Variants in LYRM9 observed in about 807,000 individuals in gnomAD.
The protein encoded by LYRM9 is LYR motif-containing protein 9.
A neutral mutation model predicts 12.6 loss-of-function variants in LYRM9; 14 were observed. The observed-to-expected ratio is 1.11, with a 90% confidence interval of 0.73 to 1.73. The LOEUF is 1.73. Ranked by LOEUF, LYRM9 falls within the 40% of genes most tolerant of loss-of-function variation. The probability of loss-of-function intolerance (pLI) is 0.00; values close to 1 mark genes in which losing one functional copy is unlikely to be tolerated. For missense variants in LYRM9, 94 were observed against 95.0 expected, an observed-to-expected ratio of 0.99 and a Z score of 0.04; for synonymous variants, 42 against 35.1, an observed-to-expected ratio of 1.20 and a Z score of -0.69.
intron 1 of LYRM9, among the ~76,000 whole-genome samples, chr17:27,890,363 G>C (rs1404771860): frequency 1.3e-5 from 2 of 151,860 alleles, no homozygotes; most frequent in Non-Finnish European, 2.9e-5. Flanking sequence ...CAAGGACATC[G>C]TCTGCAGCTT....
intron 1 of LYRM9, among the ~76,000 whole-genome samples, chr17:27,890,985 C>A (rs1239558374): frequency 6.6e-6 from 1 of 151,810 alleles, no homozygotes; most frequent in African/African-American, 2.4e-5. Context: ...CCCCTCCCTG[C>A]CCCCTTCATC....
intron 1 of LYRM9, among the ~76,000 whole-genome samples, chr17:27,887,931 T>C (rs1171279140): frequency 1.3e-5 from 2 of 152,140 alleles, no homozygotes; most frequent in Non-Finnish European, 2.9e-5. Flanking sequence ...AGAATTCTCT[T>C]ACTCAGGGGA....
intron 1 of LYRM9, among the ~76,000 whole-genome samples, chr17:27,890,391 GA>G (rs200918822): frequency 6.7e-4 from 100 of 148,478 alleles, no homozygotes; most frequent in African/African-American, 1.6e-3. Flanking sequence ...CATATAGATG[GA>G]AAAAAAAAAT....
intron 1 of LYRM9, among the ~76,000 whole-genome samples, chr17:27,891,673 T>C (rs1489081386): frequency 1.3e-5 from 2 of 152,160 alleles, no homozygotes; most frequent in East Asian, 1.9e-4. Flanking sequence ...TAATCACTTA[T>C]TGTGATTATA....
intron 1 of LYRM9, among the ~76,000 whole-genome samples, chr17:27,890,371 C>A (rs1445134502): frequency 6.6e-6 from 1 of 152,024 alleles, no homozygotes; most frequent in Admixed American, 6.6e-5. Flanking sequence ...TCGTCTGCAG[C>A]TTCCCCCTGC....
intron 1 of LYRM9, among the ~76,000 whole-genome samples, chr17:27,883,990 T>A (rs962047429): frequency 5.9e-5 from 9 of 151,654 alleles, no homozygotes; most frequent in Admixed American, 2.0e-4. Context: ...AGAGTTAACA[T>A]ATCTATCATC....
chr17:27,885,788 T>C (rs1242965743), intron 1 of LYRM9, among the ~76,000 whole-genome samples: 1 of 150,974 alleles, frequency 6.6e-6, no homozygotes, highest in African/African-American at 2.4e-5. Flanking sequence ...GACTTCTCAA[T>C]GATCTGGGCC....
intron 1 of LYRM9, among the ~76,000 whole-genome samples, chr17:27,884,019 C>T (rs1469165406): frequency 2.0e-5 from 3 of 151,908 alleles, no homozygotes; most frequent in Non-Finnish European, 4.4e-5. Context: ...TTACCGCATA[C>T]CCTTTGTAAT....
At chr17:27,887,028 T>C (rs1047599183) in intron 1 of LYRM9, among the ~76,000 whole-genome samples, 1 of 152,178 alleles carries the variant, frequency 6.6e-6, no homozygotes, top group Non-Finnish European at 1.5e-5. Context: ...CTCCACTGCA[T>C]ACCCTTGGTT....
At chr17:27,887,503 C>T (rs1812046691) in intron 1 of LYRM9, among the ~76,000 whole-genome samples, 1 of 152,150 alleles carries the variant, frequency 6.6e-6, no homozygotes. Context: ...CTGCAAGGCC[C>T]CTCTCGATCT....
chr17:27,891,989 T>C (rs1905469635), intron 1 of LYRM9: 1 of 150,748 alleles, frequency 6.6e-6, no homozygotes. Context: ...TGGAGTACAG[T>C]AGCATGATCA....
At position 27,880,337 on chromosome 17, in the gene LYRM9, G is replaced by A. The variant is rs1905007461; in HGVS notation, c.156C>T (p.Asn52=). 3 of 1,608,754 alleles carry A rather than the reference G, an allele frequency of 1.9e-6. No individual in the cohort carries two copies. The East Asian group carries it at 6.7e-5, about 36-fold the overall frequency. Residue 52 remains asparagine (N), a synonymous_variant, in exon 3 of 4, where the codon AAC becomes AAT. Transcript: ENST00000379102. ...TAATAATCTGCTGGATTCTCTCAGG[G>A]TTGTCTTCATCTGAATGAACCCGAA... The part of the protein sequence containing the change: ...QSFRVHSDED[N]PERIQQIIKR...
intron 1 of LYRM9, among the ~76,000 whole-genome samples, chr17:27,884,610 G>A (rs1905174291): frequency 6.6e-6 from 1 of 152,296 alleles, no homozygotes. Flanking sequence ...TGTCCTCTGT[G>A]GGGCTGCAGT....
chr17:27,882,748 G>A (rs1905106337), intron 1 of LYRM9, 36 bp from the exon 2 acceptor site: 1 of 1,535,748 alleles, frequency 6.5e-7, no homozygotes, highest in African/African-American at 1.4e-5. Flanking sequence ...AGGGCATCAA[G>A]CCAAGTTCAG....
chr17:27,890,690 A>T (rs1327644453), intron 1 of LYRM9, among the ~76,000 whole-genome samples: 14 of 152,186 alleles, frequency 9.2e-5, no homozygotes, highest in Admixed American at 7.9e-4. Flanking sequence ...GTCATATATT[A>T]AAAAAAGACG....
At chr17:27,885,590 G>A (rs532332441) in intron 1 of LYRM9, among the ~76,000 whole-genome samples, 1 of 149,860 alleles carries the variant, frequency 6.7e-6, no homozygotes, top group Admixed American at 6.7e-5. Flanking sequence ...TGCGCCTGTA[G>A]TCCCAGCTAC....
chr17:27,886,817 C>T lies in LYRM9; in HGVS notation c.-18-4105G>A, dbSNP rs1353988271. Among the ~76,000 whole-genome samples the T allele has an allele frequency of 4.0e-5, 6 of 151,778 alleles. No homozygotes were observed. Among genetic ancestry groups the T allele is most frequent in the Non-Finnish European group, 7.4e-5 (5 of 67,922 alleles). ...CATGCCACCACACCCAGCTAATTTTCGTATTTTTAGTAGAGATGGGGTTTC... is the reference window on the plus strand; with the variant it reads ...CATGCCACCACACCCAGCTAATTTTTGTATTTTTAGTAGAGATGGGGTTTC... On this transcript the variant is annotated intron_variant, in intron 1 of 3. Coordinates refer to ENST00000379102, the MANE Select transcript of LYRM9 (RefSeq NM_001076680.3). The surrounding 1 kb of genome is among the most constrained non-coding windows in gnomAD (Gnocchi z 4.8).
Position 27,893,311 on chromosome 17 carries a change from G to T in LYRM9, c.-19+6C>A, listed in dbSNP as rs960811209. ...CCTCGGCCTCGGCCTGCGCAGCGCG[G>T]CTCACCAGCCTCCAGGGGAACGCCA... On this transcript the variant is annotated splice_donor_region_variant and intron_variant, in intron 1 of 3. Coordinates refer to ENST00000379102, the MANE Select transcript of LYRM9 (RefSeq NM_001076680.3). The T allele has an allele frequency of 6.6e-6, 1 of 152,588 alleles. No individual in the cohort carries two copies. Among genetic ancestry groups the T allele is most frequent in the Non-Finnish European group, 1.5e-5 (1 of 68,064 alleles). The allele number at this position is 152,588 out of a possible 1,614,324, so 9.5% of individuals were successfully genotyped here.
chr17:27,884,829 G>GAAA (rs5819824), intron 1 of LYRM9, among the ~76,000 whole-genome samples: 11 of 144,300 alleles, frequency 7.6e-5, no homozygotes, highest in Non-Finnish European at 1.2e-4. Context: ...GAACATATAA[G>GAAA]AAAAAAAAAA....
Sources: allele counts gnomAD v4.1 joint callset (sites outside exome capture counted in the v4.1 genomes callset), GRCh38; gene constraint gnomAD v4.1.1; non-coding constraint Gnocchi (gnomAD v3.1); transcripts MANE v1.5; gene names NCBI Gene and HGNC (gene_info 2026-07-23, HGNC 2026-07-21).